Variants in PTBP2 observed in about 807,000 individuals in gnomAD.
The protein encoded by PTBP2 is polypyrimidine tract-binding protein 2.
A neutral mutation model predicts 61.4 loss-of-function variants in PTBP2; 13 were observed. The ratio of observed to expected loss-of-function variants is 0.21; its 90% confidence interval spans 0.14 to 0.34. The LOEUF (loss-of-function observed/expected upper bound fraction) is 0.34. Among genes scored for constraint, PTBP2 ranks in the 10% least tolerant of loss-of-function variants. The pLI is 1.00. For synonymous variants in PTBP2, 215 were observed against 218.5 expected (o/e 0.98, Z 0.14); for missense variants, 405 against 642.6 (o/e 0.63, Z 4.00).
At chr1:96,758,520 C>T (rs191990962) in intron 3 of PTBP2, among the ~76,000 whole-genome samples, 11 of 152,016 alleles carry the variant, frequency 7.2e-5, no homozygotes, top group Non-Finnish European at 1.0e-4. Context: ...AAATCACCTC[C>T]GGTAGAATAT....
chr1:96,816,373 TAGAG>T (rs1299187085), downstream of PTBP2: 2 of 152,146 alleles, frequency 1.3e-5, no homozygotes, highest in African/African-American at 4.8e-5. Context: ...CTATGACTCT[TAGAG>T]TGAACAAGCT....
rs570944852 is a variant in PTBP2 at position 96,776,411 on chromosome 1, C to T, written c.433-1174C>T. ...AGTTTTAATTAGTAAGTCATTTTGA[C>T]TAATACATAAATTTATAGATAAAAT... On this transcript the variant is annotated intron_variant, in intron 5 of 13. Transcript: ENST00000674951. Among the ~76,000 whole-genome samples, 6 of 151,908 alleles carry T rather than the reference C, an allele frequency of 3.9e-5. No individual in the cohort carries two copies. The South Asian group carries it at 1.2e-3, about 32-fold the overall frequency.
chr1:96,734,464 GT>G lies in PTBP2; in HGVS notation c.39+10881del, dbSNP rs949968855. Among the ~76,000 whole-genome samples the G allele has an allele frequency of 3.1e-3, 453 of 143,968 alleles. 1 individual carries two copies. Among genetic ancestry groups the G allele is most frequent in the African/African-American group, 9.5e-3 (375 of 39,626 alleles). The allele number at this position is 143,968 out of a possible 152,430, so 94.4% of individuals were successfully genotyped here. A position where few individuals can be genotyped will look rare whatever the true frequency, so the allele number is the denominator to read the frequency against. Reference sequence around the variant, plus strand: ...ATAAAAGTCATAGTATTTTTATAGGGTTTTTTTTTTTAGTGGGGGAAGGAGT... The same window carrying G: ...ATAAAAGTCATAGTATTTTTATAGGGTTTTTTTTTTAGTGGGGGAAGGAGT... On this transcript the variant is annotated intron_variant, in intron 2 of 13. Coordinates refer to ENST00000674951, the MANE Select transcript of PTBP2 (RefSeq NM_021190.4).
chr1:96,812,274 G>A lies in PTBP2; in HGVS notation c.1172-438G>A, dbSNP rs754659731. ...TTATCCAACAGGAAGACAAATATGA[G>A]ACTGAGTTATCCAGATAAAAAATAA... On this transcript the variant is annotated intron_variant, in intron 11 of 13. Coordinates refer to ENST00000674951, the MANE Select transcript of PTBP2 (RefSeq NM_021190.4). 5.8e-4 allele frequency among the ~76,000 whole-genome samples: 88 copies of A among 152,154 alleles called. 1 individual carries two copies. Among genetic ancestry groups the A allele is most frequent in the Admixed American group, 3.9e-4 (6 of 15,274 alleles).
intron 2 of PTBP2, among the ~76,000 whole-genome samples, chr1:96,741,301 A>G (rs1343067131): frequency 1.3e-5 from 2 of 152,020 alleles, no homozygotes; most frequent in Non-Finnish European, 2.9e-5. Flanking sequence ...TCACTGTGTC[A>G]TCCAGGCTGG....
chr1:96,806,972 A>ATGTT lies in PTBP2; in HGVS notation c.1171+16_1171+19dup. The stretch of plus-strand genomic sequence containing the variant: ...AATCACAACTTGGTAAGATTAAACT[A>ATGTT]TGTTTTATCTATACATCTTCACTTC... On this transcript the variant is annotated intron_variant, in intron 11 of 13. Coordinates refer to ENST00000674951, the MANE Select transcript of PTBP2 (RefSeq NM_021190.4). The ATGTT allele has an allele frequency of 6.4e-7, 1 of 1,558,754 alleles. No homozygotes were observed. The highest frequency in any genetic ancestry group is 8.8e-7 in the Non-Finnish European group (1 of 1,138,526).
chr1:96,778,928 A>C (rs1658341598), intron 7 of PTBP2, among the ~76,000 whole-genome samples: 1 of 152,142 alleles, frequency 6.6e-6, no homozygotes, highest in Admixed American at 6.5e-5. Flanking sequence ...TAATTGTAAT[A>C]GTTTACCAAG....
At chr1:96,722,681 A>G (rs1413422731) in intron 1 of PTBP2, among the ~76,000 whole-genome samples, 2 of 152,248 alleles carry the variant, frequency 1.3e-5, no homozygotes, top group African/African-American at 4.8e-5. Context: ...AAGAGCAGAT[A>G]GTCAACAAAG....
At position 96,769,892 on chromosome 1, in the gene PTBP2, G is replaced by A; in HGVS notation, c.288+17G>A. On this transcript the variant is annotated intron_variant, in intron 4 of 13. Coordinates refer to ENST00000674951, the MANE Select transcript of PTBP2 (RefSeq NM_021190.4). ...AAAAATCAGGTACACTTCTTTCAGG[G>A]TTTATGAAATGTTAAACCCCAAACT... 1 of 1,558,572 alleles carries A rather than the reference G, an allele frequency of 6.4e-7. No homozygotes were observed. Among genetic ancestry groups the A allele is most frequent in the Non-Finnish European group, 8.7e-7 (1 of 1,153,738 alleles).
rs775841418 is a variant in PTBP2 at position 96,813,437 on chromosome 1, C to G, written c.*32C>G. Reference sequence around the variant, plus strand: ...GAAGATGAAGATTGGGGGTGAATCACATTGTTCAATGTCATCACCTATTTG... The same window carrying G: ...GAAGATGAAGATTGGGGGTGAATCAGATTGTTCAATGTCATCACCTATTTG... On this transcript the variant is annotated 3_prime_UTR_variant, in exon 14 of 14. Coordinates refer to ENST00000674951, the MANE Select transcript of PTBP2 (RefSeq NM_021190.4). 1.9e-6 allele frequency: 3 copies of G among 1,543,200 alleles called. No individual in the cohort carries two copies. In the East Asian group the frequency reaches 6.9e-5, roughly 35 times the overall value.
At chr1:96,772,294 A>C (rs1657470685) in intron 5 of PTBP2, among the ~76,000 whole-genome samples, 1 of 152,192 alleles carries the variant, frequency 6.6e-6, no homozygotes, top group Non-Finnish European at 1.5e-5. Flanking sequence ...ATAAGCCTCT[A>C]ATCATGCCTT....
chr1:96,725,526 C>T (rs556619398), intron 2 of PTBP2, among the ~76,000 whole-genome samples: 21 of 151,712 alleles, frequency 1.4e-4, no homozygotes, highest in African/African-American at 5.1e-4. Context: ...GTCTTGATCT[C>T]CTGACCTTGT....
chr1:96,762,609 T>C (rs1167191765), intron 3 of PTBP2, among the ~76,000 whole-genome samples: 10 of 126,558 alleles, frequency 7.9e-5, no homozygotes, highest in Admixed American at 7.7e-4. Flanking sequence ...CACTTCCCAG[T>C]AGGGGCGGCC....
exon 14 of PTBP2, chr1:96,820,057 G>A (rs1264642232): frequency 6.6e-6 from 1 of 151,726 alleles, no homozygotes; most frequent in African/African-American, 2.4e-5. Context: ...TTTTACTCTG[G>A]AAAAAGCATA....
At chr1:96,794,298 A>C (rs768737897) in intron 8 of PTBP2, among the ~76,000 whole-genome samples, 23 of 152,222 alleles carry the variant, frequency 1.5e-4, no homozygotes, top group Non-Finnish European at 2.5e-4. Context: ...GGTTTAAATC[A>C]AATCAGATTG....
intron 2 of PTBP2, among the ~76,000 whole-genome samples, chr1:96,744,178 T>G (rs907902961): frequency 4.6e-5 from 7 of 152,028 alleles, no homozygotes; most frequent in African/African-American, 1.4e-4. Context: ...GAGCCGAGAT[T>G]GCGCCACTGC....
intron 5 of PTBP2, among the ~76,000 whole-genome samples, chr1:96,773,960 C>G (rs1290457920): frequency 8.7e-6 from 1 of 114,340 alleles, no homozygotes; most frequent in Non-Finnish European, 1.9e-5. Flanking sequence ...GAGACTCTGT[C>G]TCAAAAAAAA....
At chr1:96,746,917 T>C (rs188178699) in intron 2 of PTBP2, among the ~76,000 whole-genome samples, 21 of 36,200 alleles carry the variant, frequency 5.8e-4, no homozygotes, top group African/African-American at 1.7e-3. Flanking sequence ...CTCCCTCCCT[T>C]CCTTCCTTCC....
chr1:96,735,589 T>C (rs1055950547), intron 2 of PTBP2, among the ~76,000 whole-genome samples: 2 of 151,710 alleles, frequency 1.3e-5, no homozygotes, highest in African/African-American at 2.4e-5. Context: ...AACACTTTTA[T>C]GGAAATCAAA....
Sources: allele counts gnomAD v4.1 joint callset (sites outside exome capture counted in the v4.1 genomes callset), GRCh38; gene constraint gnomAD v4.1.1; transcripts MANE v1.5; gene names NCBI Gene and HGNC (gene_info 2026-07-23, HGNC 2026-07-21).